RIC1: variants seen among roughly 807,000 people sequenced by gnomAD.
The protein encoded by RIC1 is RIC1 partner of RAB6A GEF complex.
A neutral mutation model predicts 169.0 loss-of-function variants in RIC1; 88 were observed. The observed-to-expected ratio is 0.52, with a 90% CI of 0.44 to 0.62. The LOEUF (loss-of-function observed/expected upper bound fraction) is 0.62, where lower values mean the gene tolerates loss of function less well. Ranked by LOEUF, RIC1 falls within the 20% of genes least tolerant of loss-of-function variation. The probability of loss-of-function intolerance (pLI) is 0.00; values close to 1 mark genes in which losing one functional copy is unlikely to be tolerated. For synonymous variants in RIC1, 790 were observed against 601.5 expected, an observed-to-expected ratio of 1.31 and a Z score of -4.59; for missense variants, 1,877 against 1,725.5, an observed-to-expected ratio of 1.09 and a Z score of -1.56.
intron 3 of RIC1, among the ~76,000 whole-genome samples, chr9:5,712,094 A>G (rs1400237842): frequency 6.6e-6 from 1 of 152,134 alleles, no homozygotes; most frequent in Non-Finnish European, 1.5e-5. Context: ...TATACCTAGT[A>G]ATGGGATTGC....
intron 4 of RIC1, among the ~76,000 whole-genome samples, chr9:5,714,217 A>G (rs562174461): frequency 6.6e-6 from 1 of 152,320 alleles, no homozygotes; most frequent in East Asian, 1.9e-4. Context: ...TATACCAACT[A>G]TAATCTTATT....
At chr9:5,635,495 A>G (rs1234677096) in intron 1 of RIC1, among the ~76,000 whole-genome samples, 2 of 152,138 alleles carry the variant, frequency 1.3e-5, no homozygotes, top group Non-Finnish European at 1.5e-5. Context: ...CTATATATGC[A>G]TGCGTGGTTT....
chr9:5,750,906 C>T (rs1228631213), intron 12 of RIC1, among the ~76,000 whole-genome samples: 1 of 151,814 alleles, frequency 6.6e-6, no homozygotes, highest in Admixed American at 6.5e-5. Context: ...TCTTTAGACA[C>T]AAACTGCATG....
chr9:5,646,832 A>AT (rs889812319), intron 1 of RIC1, among the ~76,000 whole-genome samples: 131 of 150,794 alleles, frequency 8.7e-4, no homozygotes, highest in Admixed American at 6.3e-3. Context: ...TGTCTTACCT[A>AT]TTTTTTTTTG....
At chr9:5,675,998 T>G (rs888031122) in intron 2 of RIC1, among the ~76,000 whole-genome samples, 2 of 152,220 alleles carry the variant, frequency 1.3e-5, no homozygotes, top group African/African-American at 4.8e-5. Flanking sequence ...CCAACTGCCC[T>G]TGGTCATTCC....
intron 6 of RIC1, among the ~76,000 whole-genome samples, chr9:5,723,830 T>G (rs1823770112): frequency 6.6e-6 from 1 of 152,220 alleles, no homozygotes; most frequent in South Asian, 2.1e-4. Context: ...TTTCCCCGTT[T>G]CTTGTTTTTG....
chr9:5,650,525 G>T (rs1818747116), intron 1 of RIC1, among the ~76,000 whole-genome samples: 1 of 152,026 alleles, frequency 6.6e-6, no homozygotes, highest in South Asian at 2.1e-4. Flanking sequence ...TAGGGTTGGT[G>T]TCGGTGTCAG....
chr9:5,712,146 G>C (rs1362518217), intron 3 of RIC1, among the ~76,000 whole-genome samples: 1 of 152,116 alleles, frequency 6.6e-6, no homozygotes, highest in African/African-American at 2.4e-5. Flanking sequence ...CTAAGGAATC[G>C]CCACACTGTC....
intron 2 of RIC1, among the ~76,000 whole-genome samples, chr9:5,671,781 A>G (rs1364398341): frequency 2.0e-5 from 3 of 152,202 alleles, no homozygotes; most frequent in African/African-American, 4.8e-5. Flanking sequence ...AATCATCAAG[A>G]TATCAAGTTC....
At chr9:5,760,317 C>T (rs1338986307) in intron 17 of RIC1, among the ~76,000 whole-genome samples, 1 of 152,122 alleles carries the variant, frequency 6.6e-6, no homozygotes, top group Admixed American at 6.5e-5. Context: ...ATTAAAGTTG[C>T]TTGAGAGTGC....
At chr9:5,725,933 T>C (rs941526564) in intron 6 of RIC1, among the ~76,000 whole-genome samples, 5 of 152,238 alleles carry the variant, frequency 3.3e-5, no homozygotes, top group Non-Finnish European at 7.3e-5. Flanking sequence ...CAGTTGGTTA[T>C]AATTTCTGGT....
chr9:5,644,735 A>G (rs937038454), intron 1 of RIC1, among the ~76,000 whole-genome samples: 1 of 152,232 alleles, frequency 6.6e-6, no homozygotes, highest in Non-Finnish European at 1.5e-5. Context: ...AAACATTTGT[A>G]TACATGTCTG....
intron 6 of RIC1, among the ~76,000 whole-genome samples, chr9:5,726,883 C>T (rs945227701): frequency 5.9e-5 from 9 of 152,174 alleles, no homozygotes; most frequent in African/African-American, 2.2e-4. Flanking sequence ...ATATTGGCCC[C>T]CACTATCTTC....
intron 12 of RIC1, among the ~76,000 whole-genome samples, chr9:5,751,382 G>T (rs1274904461): frequency 6.6e-6 from 1 of 151,846 alleles, no homozygotes; most frequent in Non-Finnish European, 1.5e-5. Context: ...GGGAGACAGA[G>T]TCTCACTCTG....
chr9:5,765,780 C>G lies in RIC1; in HGVS notation c.3119C>G (p.Ser1040Cys). The G allele has an allele frequency of 6.2e-7, 1 of 1,614,114 alleles. No individual in the cohort carries two copies. The highest frequency in any genetic ancestry group is 8.5e-7 in the Non-Finnish European group (1 of 1,179,980). Reference sequence around the variant, plus strand: ...TTACAGAAAACACTAAGTATGCCATCTGGTCCCTCTGGAAAAAGGTAAAAT... The same window carrying G: ...TTACAGAAAACACTAAGTATGCCATGTGGTCCCTCTGGAAAAAGGTAAAAT... Reference protein sequence around the residue: ...FSLQKTLSMPSGPSGKRWSKD... With the variant: ...FSLQKTLSMPCGPSGKRWSKD... The change falls in exon 21 of 26, where the codon TCT becomes TGT. Residue 1040 changes from serine (S) to cysteine (C), a missense_variant. Physicochemically the swap from Ser to Cys is moderately radical, Grantham distance 112. Coordinates refer to ENST00000414202, the MANE Select transcript of RIC1 (RefSeq NM_020829.4).
chr9:5,657,805 A>G (rs1819190155), intron 2 of RIC1, among the ~76,000 whole-genome samples: 1 of 152,160 alleles, frequency 6.6e-6, no homozygotes, highest in Non-Finnish European at 1.5e-5. Context: ...ACAGACCATA[A>G]TGTAAGAATA....
intron 3 of RIC1, among the ~76,000 whole-genome samples, chr9:5,692,997 G>T (rs1821677994): frequency 6.6e-6 from 1 of 152,108 alleles, no homozygotes; most frequent in African/African-American, 2.4e-5. Flanking sequence ...AGACATAAGT[G>T]TTGTAGCTCT....
chr9:5,681,229 C>T (rs1820816187), intron 2 of RIC1, among the ~76,000 whole-genome samples: 2 of 152,048 alleles, frequency 1.3e-5, no homozygotes, highest in African/African-American at 2.4e-5. Flanking sequence ...GCTCTTGCTT[C>T]TCTAGTTATT....
intron 1 of RIC1, among the ~76,000 whole-genome samples, chr9:5,634,800 G>C (rs1817888508): frequency 2.6e-5 from 4 of 152,036 alleles, no homozygotes. Flanking sequence ...ACAGATGTCA[G>C]GGTGTTTTTC....
Sources: gnomAD v4.1 joint callset for allele counts (sites outside exome capture counted in the v4.1 genomes callset) on GRCh38, gnomAD v4.1.1 for gene constraint, MANE v1.5 for transcripts, NCBI Gene and HGNC (gene_info 2026-07-23, HGNC 2026-07-21) for gene names.